RALGAPA1: variants seen among roughly 807,000 people sequenced by gnomAD.
RALGAPA1 encodes ral GTPase-activating protein subunit alpha-1.
Under a neutral mutation model 269.6 loss-of-function variants are expected in RALGAPA1, and 52 were observed. The ratio of observed to expected loss-of-function variants is 0.19; its 90% confidence interval spans 0.15 to 0.24. RALGAPA1 has a LOEUF of 0.24. RALGAPA1 is among the 10% of genes least tolerant of loss of function. The probability of loss-of-function intolerance (pLI) is 1.00; values close to 1 mark genes in which losing one functional copy is unlikely to be tolerated. For synonymous variants in RALGAPA1, 817 were observed against 1,008.3 expected (o/e 0.81, Z 3.60); for missense variants, 1,917 against 3,013.9 (o/e 0.64, Z 8.52).
At chr14:35,690,417 A>T (rs2140461034) in intron 17 of RALGAPA1, among the ~76,000 whole-genome samples, 1 of 152,334 alleles carries the variant, frequency 6.6e-6, no homozygotes, top group Middle Eastern at 3.4e-3. Flanking sequence ...GTAGACTCTT[A>T]TAGGGTCTAA....
At position 35,678,164 on chromosome 14, in the gene RALGAPA1, T is replaced by C. The variant is rs2065121042; in HGVS notation, c.4472-62A>G. 3 of 1,471,766 alleles carry C rather than the reference T, an allele frequency of 2.0e-6. No individual in the cohort carries two copies. In the Admixed American group the frequency reaches 7.0e-5, roughly 35 times the overall value. The allele number at this position is 1,471,766 out of a possible 1,614,324, so 91.2% of individuals were successfully genotyped here. ...ATTCAATATCCTACCTAAGATGTAA[T>C]GCTTAACACCCTAAATAAAAGAAAT... On this transcript the variant is annotated intron_variant, in intron 21 of 41. Coordinates refer to ENST00000680220, the MANE Select transcript of RALGAPA1 (RefSeq NM_001346249.2).
At chr14:35,786,509 G>A (rs2075807046) in intron 1 of RALGAPA1, among the ~76,000 whole-genome samples, 1 of 151,454 alleles carries the variant, frequency 6.6e-6, no homozygotes, top group South Asian at 2.1e-4. Flanking sequence ...GTGCTGGCAG[G>A]CGCCTGTAGT....
At chr14:35,747,413 C>T (rs776678472) in intron 10 of RALGAPA1, among the ~76,000 whole-genome samples, 2 of 152,318 alleles carry the variant, frequency 1.3e-5, no homozygotes, top group African/African-American at 4.8e-5. Flanking sequence ...AAATGTCTTT[C>T]CTTTCCCAAT....
At chr14:35,747,149 C>CA (rs920007305) in intron 10 of RALGAPA1, among the ~76,000 whole-genome samples, 5 of 151,244 alleles carry the variant, frequency 3.3e-5, no homozygotes, top group East Asian at 1.9e-4. Flanking sequence ...CCCCACTCTA[C>CA]AAAAAAAATT....
intron 24 of RALGAPA1, 54 bp downstream of exon 24, chr14:35,674,126 T>G (rs1234729120): frequency 7.3e-7 from 1 of 1,373,700 alleles, no homozygotes; most frequent in African/African-American, 1.5e-5. Context: ...TATAAAAAGT[T>G]TAAGATTTAG....
chr14:35,645,425 G>C (rs2139908222), intron 31 of RALGAPA1, among the ~76,000 whole-genome samples: 1 of 148,970 alleles, frequency 6.7e-6, no homozygotes, highest in African/African-American at 2.5e-5. Flanking sequence ...ATCTGCCAAA[G>C]AGGACTTAAG....
At chr14:35,690,071 T>C in intron 17 of RALGAPA1, 68 bp from the exon 18 acceptor site, 1 of 1,179,196 alleles carries the variant, frequency 8.5e-7, no homozygotes, top group East Asian at 2.9e-5. Flanking sequence ...TTAATTTCAA[T>C]AATGCTCTAA....
chr14:35,774,212 A>G (rs1208712652), intron 3 of RALGAPA1, among the ~76,000 whole-genome samples: 1 of 152,142 alleles, frequency 6.6e-6, no homozygotes, highest in African/African-American at 2.4e-5. Flanking sequence ...CACCACATAC[A>G]GCCAAGAGTG....
At chr14:35,800,208 A>G (rs964465956) in intron 1 of RALGAPA1, among the ~76,000 whole-genome samples, 1 of 152,234 alleles carries the variant, frequency 6.6e-6, no homozygotes, top group Non-Finnish European at 1.5e-5. Context: ...GTAAGGACAG[A>G]GAAGACTTGA....
At chr14:35,743,164 G>GA (rs1162378072) in intron 10 of RALGAPA1, among the ~76,000 whole-genome samples, 4 of 151,956 alleles carry the variant, frequency 2.6e-5, no homozygotes, top group Admixed American at 6.6e-5. Context: ...CCCCTGCTGG[G>GA]AATCTATTTT....
At chr14:35,549,575 C>T (rs766111697) in intron 39 of RALGAPA1, among the ~76,000 whole-genome samples, 6 of 152,078 alleles carry the variant, frequency 3.9e-5, no homozygotes, top group Non-Finnish European at 8.8e-5. Context: ...AAATTTATAT[C>T]GGCCTAGGCT....
chr14:35,575,162 GT>G (rs2057468385), intron 37 of RALGAPA1, among the ~76,000 whole-genome samples: 2 of 152,010 alleles, frequency 1.3e-5, no homozygotes, highest in Non-Finnish European at 2.9e-5. Context: ...TAACCAGTAG[GT>G]TTTGCTATAC....
At chr14:35,590,057 G>A (rs900610002) in intron 37 of RALGAPA1, among the ~76,000 whole-genome samples, 1 of 152,222 alleles carries the variant, frequency 6.6e-6, no homozygotes, top group Non-Finnish European at 1.5e-5. Flanking sequence ...TTTTCATAGA[G>A]ATTTAAGATA....
At chr14:35,616,192 A>G (rs991133126) in intron 35 of RALGAPA1, among the ~76,000 whole-genome samples, 1 of 152,194 alleles carries the variant, frequency 6.6e-6, no homozygotes, top group African/African-American at 2.4e-5. Flanking sequence ...AAATATGACC[A>G]TCAGGAGGAA....
At chr14:35,595,896 T>G in intron 36 of RALGAPA1, 107 bp from the exon 37 acceptor site, 3 of 785,756 alleles carry the variant, frequency 3.8e-6, no homozygotes, top group Non-Finnish European at 6.0e-6. Flanking sequence ...CAAAGTCTTT[T>G]GCATGTTATC....
At chr14:35,749,315 G>C (rs1463491907) in intron 9 of RALGAPA1, among the ~76,000 whole-genome samples, 1 of 152,108 alleles carries the variant, frequency 6.6e-6, no homozygotes, top group African/African-American at 2.4e-5. Context: ...ATTTATGACA[G>C]AAGTAGGAAC....
intron 37 of RALGAPA1, among the ~76,000 whole-genome samples, chr14:35,591,936 T>C (rs774378972): frequency 1.3e-5 from 2 of 152,190 alleles, no homozygotes; most frequent in Non-Finnish European, 2.9e-5. Context: ...TTCCCCTTTG[T>C]TCGCTCTCTT....
At chr14:35,670,177 T>G (rs2064285864) in intron 26 of RALGAPA1, among the ~76,000 whole-genome samples, 1 of 152,226 alleles carries the variant, frequency 6.6e-6, no homozygotes, top group Non-Finnish European at 1.5e-5. Context: ...ATTATTCTTC[T>G]GACATCTTCC....
intron 12 of RALGAPA1, 79 bp from the exon 13 acceptor site, chr14:35,728,589 A>T: frequency 6.9e-7 from 1 of 1,447,142 alleles, no homozygotes; most frequent in South Asian, 1.7e-5. Flanking sequence ...ACAGACACTG[A>T]TCACACTGTG....
Sources: gnomAD v4.1 joint callset for allele counts (sites outside exome capture counted in the v4.1 genomes callset) on GRCh38, gnomAD v4.1.1 for gene constraint, MANE v1.5 for transcripts, NCBI Gene and HGNC (gene_info 2026-07-23, HGNC 2026-07-21) for gene names.